Variants in ARMC9 observed in about 807,000 individuals in gnomAD.
ARMC9 encodes armadillo repeat containing 9.
A neutral mutation model predicts 107.0 loss-of-function variants in ARMC9; 94 were observed. The observed-to-expected ratio is 0.88, with a 90% CI of 0.74 to 1.04. The LOEUF is 1.04. Ranked by LOEUF, ARMC9 falls within the 50% of genes least tolerant of loss-of-function variation. The pLI, the probability that ARMC9 is intolerant of heterozygous loss-of-function variation, is 0.00. For missense variants in ARMC9, 942 were observed against 1,030.1 expected, an observed-to-expected ratio of 0.91 and a Z score of 1.17; for synonymous variants, 380 against 396.9, an observed-to-expected ratio of 0.96 and a Z score of 0.51.
At position 231,370,039 on chromosome 2, in the gene ARMC9, C is replaced by G; in HGVS notation, c.2348C>G (p.Ser783Ter). The G allele has an allele frequency of 6.5e-7, 1 of 1,535,746 alleles. No homozygotes were observed. Residue 783 changes from serine (S) to a stop codon, truncating the protein, a stop_gained, in exon 24 of 25, where the codon TCA becomes TGA. Coordinates refer to ENST00000611582, the MANE Select transcript of ARMC9 (RefSeq NM_001352754.2). LOFTEE classifies it high-confidence loss of function. ...LDWNPPKAKA[S>*]VLAPLFSSCG... ...TGGAACCCACCCAAGGCAAAGGCGT[C>G]AGTTCTGGCCCCTCTGTTCTCTTCG...
intron 1 of ARMC9, among the ~76,000 whole-genome samples, chr2:231,205,110 A>C (rs1262784528): frequency 2.0e-5 from 3 of 151,932 alleles, no homozygotes; most frequent in Non-Finnish European, 4.4e-5. Context: ...GCTCACGCCT[A>C]TAATCCCAGC....
intron 18 of ARMC9, chr2:231,295,271 C>A (rs1374167415): frequency 6.6e-6 from 1 of 152,278 alleles, no homozygotes; most frequent in African/African-American, 2.4e-5. Flanking sequence ...CAGGGACTCA[C>A]AGTTCAGTGC....
chr2:231,354,794 C>A (rs1163071778), intron 21 of ARMC9, among the ~76,000 whole-genome samples: 1 of 152,228 alleles, frequency 6.6e-6, no homozygotes, highest in African/African-American at 2.4e-5. Context: ...TGGCCCATAT[C>A]TCCTTGTTGA....
rs201586626 is a variant in ARMC9, at chr2:231,344,989, G to A, written c.1893G>A (p.Thr631=). ...TTEYLGIMTN[T]GKTRRKGLAN... is the part of the protein sequence containing the mutation. ...CCTTCCACCAGATCATGACCAACACGGGGAAGACAAGGCGGAAGGGGCTGG... is the reference window on the plus strand; with the variant it reads ...CCTTCCACCAGATCATGACCAACACAGGGAAGACAAGGCGGAAGGGGCTGG... Residue 631 remains threonine, a synonymous_variant, in exon 21 of 25, where the codon ACG becomes ACA. Coordinates refer to ENST00000611582, the MANE Select transcript of ARMC9 (RefSeq NM_001352754.2). 5.1e-5 allele frequency: 82 copies of A among 1,613,918 alleles called. No homozygotes were observed. Among genetic ancestry groups the A allele is most frequent in the East Asian group, 2.2e-4 (10 of 44,864 alleles).
intron 19 of ARMC9, among the ~76,000 whole-genome samples, chr2:231,318,041 C>T (rs1342648065): frequency 1.3e-5 from 2 of 151,292 alleles, no homozygotes; most frequent in African/African-American, 4.9e-5. Flanking sequence ...AAGGACAGGT[C>T]ACGCTTTGTT....
intron 19 of ARMC9, among the ~76,000 whole-genome samples, chr2:231,316,816 A>G (rs1323419489): frequency 1.3e-5 from 2 of 152,156 alleles, no homozygotes; most frequent in Non-Finnish European, 2.9e-5. Context: ...AAGCTGGAGT[A>G]CAGTGGCTTG....
chr2:231,340,661 TGG>T (rs1374281632), intron 20 of ARMC9, among the ~76,000 whole-genome samples: 3 of 151,268 alleles, frequency 2.0e-5, no homozygotes, highest in Non-Finnish European at 4.4e-5. Context: ...CTGAGGCAAG[TGG>T]ATCACCTGAG....
intron 3 of ARMC9, among the ~76,000 whole-genome samples, chr2:231,212,167 G>A (rs79426413): frequency 2.4e-3 from 361 of 152,316 alleles, no homozygotes; most frequent in African/African-American, 7.2e-3. Context: ...GATATAAGAA[G>A]CGTGTGTGTC....
At chr2:231,241,527 A>T (rs188868201) in intron 9 of ARMC9, among the ~76,000 whole-genome samples, 189 of 152,238 alleles carry the variant, frequency 1.2e-3, no homozygotes, top group Middle Eastern at 3.4e-3. Context: ...TGTGATCCTG[A>T]GACAGCCCTG....
intron 19 of ARMC9, among the ~76,000 whole-genome samples, chr2:231,314,175 G>C (rs1481479751): frequency 6.6e-6 from 1 of 151,796 alleles, no homozygotes; most frequent in Non-Finnish European, 1.5e-5. Flanking sequence ...CGCCTCACAG[G>C]TTCAAGTGAT....
At chr2:231,318,291 T>A (rs2042813679) in intron 19 of ARMC9, among the ~76,000 whole-genome samples, 1 of 152,102 alleles carries the variant, frequency 6.6e-6, no homozygotes, top group Non-Finnish European at 1.5e-5. Context: ...TTGATTGGGA[T>A]GGAAATTGTG....
chr2:231,208,449 T>C (rs563768302), intron 3 of ARMC9, among the ~76,000 whole-genome samples, 197 bp downstream of exon 3: 1 of 152,350 alleles, frequency 6.6e-6, no homozygotes. Context: ...TGTGGCCATA[T>C]AAGATCTTTC....
At chr2:231,264,765 G>A (rs1303661636) in intron 12 of ARMC9, among the ~76,000 whole-genome samples, 1 of 152,158 alleles carries the variant, frequency 6.6e-6, no homozygotes, top group Non-Finnish European at 1.5e-5. Flanking sequence ...CCGAAGTGCT[G>A]GGATTACAGG....
intron 19 of ARMC9, among the ~76,000 whole-genome samples, chr2:231,328,038 C>T (rs573411447): frequency 6.6e-6 from 1 of 152,306 alleles, no homozygotes; most frequent in East Asian, 1.9e-4. Flanking sequence ...CTCGCCTCGG[C>T]TTTCCAAAGT....
At chr2:231,244,098 G>A (rs898403860) in intron 9 of ARMC9, among the ~76,000 whole-genome samples, 8 of 152,180 alleles carry the variant, frequency 5.3e-5, no homozygotes, top group Non-Finnish European at 7.3e-5. Flanking sequence ...ATTCTGTAAA[G>A]GAGCTTGGGC....
In ARMC9 at chr2:231,367,965, C is replaced by G. The variant is rs1305536435; in HGVS notation, c.2262-1988C>G. Among the ~76,000 whole-genome samples, 9 of 132,162 alleles carry G rather than the reference C, an allele frequency of 6.8e-5. No homozygotes were observed. The East Asian group carries it at 1.7e-3, about 25-fold the overall frequency. 86.7% of individuals were successfully genotyped at this position (132,162 alleles called of 152,430 possible). ...ATTGCACTACAGCCTGGGCAACGAG[C>G]AAAACTCCATTTCAAAAAAAAAAAA... is the stretch of plus-strand genomic sequence containing the variant. On this transcript the variant is annotated intron_variant, in intron 23 of 24. Transcript: ENST00000611582.
In ARMC9 at chr2:231,355,823, C is replaced by T; in HGVS notation, c.2020C>T (p.Gln674Ter). 1 of 1,536,040 alleles carries T rather than the reference C, an allele frequency of 6.5e-7. No homozygotes were observed. Among genetic ancestry groups the T allele is most frequent in the Middle Eastern group, 1.7e-4 (1 of 5,990 alleles). The change falls in exon 22 of 25, where the codon CAG becomes TAG. Residue 674 changes from glutamine to a stop codon, truncating the protein, a stop_gained. Coordinates refer to ENST00000611582, the MANE Select transcript of ARMC9 (RefSeq NM_001352754.2). LOFTEE classifies it high-confidence loss of function. Reference protein sequence around the residue: ...PVVEDQHTPPQTAQHARNGHP... With the variant: ...PVVEDQHTPP Reference sequence around the variant, plus strand: ...GGTGGAAGACCAACACACACCTCCCCAGACAGCCCAGCACGCCAGAAACGG... The same window carrying T: ...GGTGGAAGACCAACACACACCTCCCTAGACAGCCCAGCACGCCAGAAACGG...
intron 19 of ARMC9, among the ~76,000 whole-genome samples, chr2:231,306,962 G>A (rs762460924): frequency 6.6e-6 from 1 of 152,214 alleles, no homozygotes; most frequent in Non-Finnish European, 1.5e-5. Flanking sequence ...GCTCTAGGGT[G>A]TCTGGCCCAA....
At chr2:231,359,658 C>T (rs150280782) in intron 22 of ARMC9, among the ~76,000 whole-genome samples, 7 of 152,262 alleles carry the variant, frequency 4.6e-5, no homozygotes, top group East Asian at 1.9e-4. Flanking sequence ...CCCAGCAATT[C>T]GGTGTGACTT....
Sources: allele counts gnomAD v4.1 joint callset (sites outside exome capture counted in the v4.1 genomes callset), GRCh38; gene constraint gnomAD v4.1.1; transcripts MANE v1.5; gene names NCBI Gene and HGNC (gene_info 2026-07-23, HGNC 2026-07-21).